The following PLEKHA8 variants were observed in gnomAD, a reference collection of about 807,000 sequenced individuals.
PLEKHA8 encodes the protein pleckstrin homology domain-containing family A member 8.
Under a neutral mutation model 68.2 loss-of-function variants are expected in PLEKHA8, and 36 were observed. That is an observed-to-expected ratio of 0.53 (90% CI 0.40 to 0.70). The LOEUF is 0.70. Among genes scored for constraint, PLEKHA8 ranks in the 30% least tolerant of loss-of-function variants. The pLI, the probability that PLEKHA8 is intolerant of heterozygous loss-of-function variation, is 0.00. For synonymous variants in PLEKHA8, 211 were observed against 216.1 expected (o/e 0.98, Z 0.20); for missense variants, 505 against 615.4 (o/e 0.82, Z 1.90).
chr7:30,077,735 A>G (rs1455074923), intron 13 of PLEKHA8, among the ~76,000 whole-genome samples: 2 of 152,178 alleles, frequency 1.3e-5, no homozygotes, highest in African/African-American at 4.8e-5. Context: ...TATAAGGAAG[A>G]TCAGGAAAGC....
chr7:30,111,892 T>C (rs1170644014), intron 13 of PLEKHA8, among the ~76,000 whole-genome samples: 2 of 152,212 alleles, frequency 1.3e-5, no homozygotes, highest in African/African-American at 4.8e-5. Context: ...AAAAATAGAC[T>C]CTCAGATATA....
intron 13 of PLEKHA8, chr7:30,115,934 A>C (rs1409922510): frequency 1.8e-5 from 2 of 113,936 alleles, no homozygotes; most frequent in East Asian, 4.3e-4. Context: ...ACATACATGT[A>C]TACATGCACA....
intron 1 of PLEKHA8, among the ~76,000 whole-genome samples, chr7:30,030,834 G>A (rs1328776600): frequency 2.0e-5 from 3 of 152,202 alleles, no homozygotes; most frequent in Admixed American, 2.0e-4. Flanking sequence ...TTGTTCTTCG[G>A]AAGTGAGCAT....
chr7:30,033,153 G>T (rs1790791452), intron 1 of PLEKHA8, among the ~76,000 whole-genome samples: 2 of 152,156 alleles, frequency 1.3e-5, no homozygotes, highest in South Asian at 4.1e-4. Context: ...TCTTTATGGA[G>T]ATAATTCATA....
chr7:30,046,578 C>T (rs1037974138), intron 3 of PLEKHA8, among the ~76,000 whole-genome samples: 2 of 152,222 alleles, frequency 1.3e-5, no homozygotes, highest in African/African-American at 4.8e-5. Flanking sequence ...TGGAGCCAAA[C>T]ACAGCTGGGT....
At position 30,118,664 on chromosome 7, in the gene PLEKHA8, G is replaced by A. The variant is rs1053817216; in HGVS notation, c.1363-10602G>A. Among the ~76,000 whole-genome samples, 5 of 150,824 alleles carry A rather than the reference G, an allele frequency of 3.3e-5. No individual in the cohort carries two copies. The South Asian group carries it at 6.3e-4, about 19-fold the overall frequency. ...GCGATCTCGGCTCACTGCAAGCTCC[G>A]CCTGCCGGGTTCATGCCATTCTCCT... On this transcript the variant is annotated intron_variant, in intron 13 of 13. Transcript: ENST00000396257.
At chr7:30,034,010 C>CTTTTGTTTTTTTTT (rs1790859175) in intron 1 of PLEKHA8, among the ~76,000 whole-genome samples, 2 of 34,632 alleles carry the variant, frequency 5.8e-5, no homozygotes, top group African/African-American at 2.5e-4. Context: ...TAAGAGGTTT[C>CTTTTGTTTTTTTTT]TTTTTTTTTT....
intron 13 of PLEKHA8, among the ~76,000 whole-genome samples, chr7:30,106,349 C>T (rs1332567264): frequency 6.6e-6 from 1 of 152,160 alleles, no homozygotes; most frequent in Non-Finnish European, 1.5e-5. Flanking sequence ...TAGACATGAG[C>T]CACCATGCCT....
intron 13 of PLEKHA8, chr7:30,117,828 G>C: frequency 2.0e-6 from 1 of 501,314 alleles, no homozygotes; most frequent in African/African-American, 2.0e-5. Context: ...AAGGCACAAA[G>C]CTTATGTTGC....
chr7:30,116,186 A>G (rs539309579), intron 13 of PLEKHA8, among the ~76,000 whole-genome samples: 12 of 150,970 alleles, frequency 7.9e-5, no homozygotes, highest in African/African-American at 2.2e-4. Flanking sequence ...ATGTATACAT[A>G]CGCATACATA....
At chr7:30,028,990 C>T (rs1396763752) in intron 1 of PLEKHA8, among the ~76,000 whole-genome samples, 188 bp downstream of exon 1, 1 of 152,226 alleles carries the variant, frequency 6.6e-6, no homozygotes, top group Non-Finnish European at 1.5e-5. Flanking sequence ...ACACGGCCCT[C>T]TCTTGGGGTT....
chr7:30,071,614 G>A (rs1794244109), intron 12 of PLEKHA8, among the ~76,000 whole-genome samples: 2 of 152,176 alleles, frequency 1.3e-5, no homozygotes, highest in Admixed American at 1.3e-4. Context: ...ACAGGGAATT[G>A]ACTGAATTTA....
intron 13 of PLEKHA8, among the ~76,000 whole-genome samples, chr7:30,113,836 T>C (rs1796344145): frequency 6.6e-6 from 1 of 152,186 alleles, no homozygotes; most frequent in Non-Finnish European, 1.5e-5. Flanking sequence ...TCTTTTCAGC[T>C]TACAAACTTT....
intron 12 of PLEKHA8, among the ~76,000 whole-genome samples, chr7:30,065,839 A>G (rs150476925): frequency 1.3e-5 from 2 of 152,310 alleles, no homozygotes; most frequent in Non-Finnish European, 2.9e-5. Flanking sequence ...TAGGGTCTCA[A>G]AATCTCCATC....
At chr7:30,123,462 TC>T (rs1796724509) in intron 13 of PLEKHA8, among the ~76,000 whole-genome samples, 1 of 152,194 alleles carries the variant, frequency 6.6e-6, no homozygotes, top group African/African-American at 2.4e-5. Context: ...GGGATCCCCG[TC>T]CTCAAACACA....
chr7:30,074,457 C>G (rs1794484991), intron 13 of PLEKHA8, among the ~76,000 whole-genome samples: 1 of 152,162 alleles, frequency 6.6e-6, no homozygotes, highest in Non-Finnish European at 1.5e-5. Flanking sequence ...TCTAATTACT[C>G]TAGCCAATTC....
exon 13 of PLEKHA8, chr7:30,090,258 A>G: frequency 6.7e-7 from 1 of 1,496,888 alleles, no homozygotes; most frequent in Non-Finnish European, 9.0e-7. Flanking sequence ...AAAGCAAGTC[A>G]CCAAGGGACC....
intron 13 of PLEKHA8, among the ~76,000 whole-genome samples, chr7:30,116,330 GTA>G (rs1222878411): frequency 2.0e-5 from 3 of 151,432 alleles, no homozygotes; most frequent in Non-Finnish European, 2.9e-5. Flanking sequence ...ACATATGTGT[GTA>G]TGTATATATG....
intron 13 of PLEKHA8, among the ~76,000 whole-genome samples, chr7:30,100,412 T>C (rs1038802167): frequency 2.6e-5 from 4 of 151,794 alleles, no homozygotes; most frequent in African/African-American, 9.7e-5. Flanking sequence ...ATTAGCCAGG[T>C]ATGGTGGTGT....
Sources: gnomAD v4.1 joint callset for allele counts (sites outside exome capture counted in the v4.1 genomes callset) on GRCh38, gnomAD v4.1.1 for gene constraint, MANE v1.5 for transcripts, NCBI Gene and HGNC (gene_info 2026-07-23, HGNC 2026-07-21) for gene names.